ZNF385D: variants seen among roughly 807,000 people sequenced by gnomAD.
The protein encoded by ZNF385D is zinc finger protein 385D.
ZNF385D carries 15 observed loss-of-function variants against 35.8 expected under a neutral mutation model. The ratio of observed to expected loss-of-function variants is 0.42; its 90% CI spans 0.28 to 0.64. The LOEUF (loss-of-function observed/expected upper bound fraction) is 0.64. Among genes scored for constraint, ZNF385D ranks in the 30% least tolerant of loss-of-function variants. The pLI is 0.23. For synonymous variants in ZNF385D, 212 were observed against 186.8 expected, an observed-to-expected ratio of 1.13 and a Z score of -1.10; for missense variants, 474 against 494.6, an observed-to-expected ratio of 0.96 and a Z score of 0.39.
intron 1 of ZNF385D, among the ~76,000 whole-genome samples, chr3:21,671,147 T>C (rs1191483674): frequency 6.6e-6 from 1 of 152,084 alleles, no homozygotes; most frequent in Non-Finnish European, 1.5e-5. Context: ...ATTACACATG[T>C]ATTTGGCCAC....
intron 2 of ZNF385D, among the ~76,000 whole-genome samples, chr3:21,635,046 T>C (rs2065388434): frequency 6.6e-6 from 1 of 152,126 alleles, no homozygotes. Flanking sequence ...AGTGGGTCTT[T>C]AGGCAAATAG....
chr3:21,675,917 C>G (rs1331782182), intron 1 of ZNF385D, among the ~76,000 whole-genome samples: 1 of 152,022 alleles, frequency 6.6e-6, no homozygotes, highest in Non-Finnish European at 1.5e-5. Context: ...AGTTTGCATT[C>G]AACGTAACTA....
At chr3:22,030,010 T>G (rs901734751) in intron 3 of ZNF385D, among the ~76,000 whole-genome samples, 20 of 151,690 alleles carry the variant, frequency 1.3e-4, no homozygotes, top group African/African-American at 4.8e-4. Flanking sequence ...CCACCCTTAA[T>G]CTGGTGGGCA....
At chr3:21,700,168 G>A (rs1480567591) in intron 1 of ZNF385D, among the ~76,000 whole-genome samples, 3 of 152,052 alleles carry the variant, frequency 2.0e-5, no homozygotes, top group African/African-American at 4.8e-5. Context: ...GTAGCGCAGG[G>A]CTAGAGAATG....
chr3:22,142,876 T>C (rs1048472886), intron 3 of ZNF385D, among the ~76,000 whole-genome samples: 2 of 152,102 alleles, frequency 1.3e-5, no homozygotes, highest in African/African-American at 4.8e-5. Flanking sequence ...TCTCTCCTCT[T>C]ACCCCATAAA....
At chr3:22,135,050 CTT>C (rs1704024942) in intron 3 of ZNF385D, among the ~76,000 whole-genome samples, 1 of 152,132 alleles carries the variant, frequency 6.6e-6, no homozygotes, top group African/African-American at 2.4e-5. Context: ...TAGTAGAACT[CTT>C]AACCAGAAAG....
intron 4 of ZNF385D, among the ~76,000 whole-genome samples, chr3:21,442,064 A>G (rs768502562): frequency 7.9e-5 from 12 of 152,210 alleles, no homozygotes; most frequent in Non-Finnish European, 1.6e-4. Context: ...TCAGTATTCA[A>G]AGTGGCCCAT....
chr3:22,368,183 A>G (rs1286427746), intron 2 of ZNF385D, among the ~76,000 whole-genome samples: 1 of 152,196 alleles, frequency 6.6e-6, no homozygotes, highest in Non-Finnish European at 1.5e-5. Flanking sequence ...AGGTAAATAA[A>G]TAAAGTAACT....
At chr3:21,762,110 C>T (rs2070643857) in intron 3 of ZNF385D, among the ~76,000 whole-genome samples, 1 of 151,956 alleles carries the variant, frequency 6.6e-6, no homozygotes, top group Non-Finnish European at 1.5e-5. Context: ...ATCTCCTGAC[C>T]TCGTGATCTG....
At chr3:21,504,821 C>T (rs531266943) in intron 4 of ZNF385D, among the ~76,000 whole-genome samples, 1 of 152,150 alleles carries the variant, frequency 6.6e-6, no homozygotes, top group Admixed American at 6.5e-5. Context: ...TCCTGGGGTC[C>T]AGCACAGAGG....
chr3:21,532,410 G>C (rs567001635), intron 3 of ZNF385D, among the ~76,000 whole-genome samples: 1 of 152,238 alleles, frequency 6.6e-6, no homozygotes, highest in South Asian at 2.1e-4. Flanking sequence ...AGAATACAGA[G>C]TGATGAATTA....
At chr3:22,268,943 T>A (rs1319172713) in intron 2 of ZNF385D, among the ~76,000 whole-genome samples, 1 of 151,910 alleles carries the variant, frequency 6.6e-6, no homozygotes, top group African/African-American at 2.4e-5. Flanking sequence ...GTAATTCACT[T>A]AAATTCATGC....
At chr3:21,505,138 CAAAAT>C (rs775717853) in intron 4 of ZNF385D, among the ~76,000 whole-genome samples, 5 of 151,972 alleles carry the variant, frequency 3.3e-5, no homozygotes, top group Non-Finnish European at 7.4e-5. Flanking sequence ...GTGCAGAACT[CAAAAT>C]AAACGATGAT....
chr3:22,172,640 A>C (rs1389209284), intron 2 of ZNF385D, among the ~76,000 whole-genome samples: 1 of 152,216 alleles, frequency 6.6e-6, no homozygotes, highest in Non-Finnish European at 1.5e-5. Context: ...CTAATTAAGA[A>C]TCAAAAGTTG....
At position 21,993,864 on chromosome 3, in the gene ZNF385D, G is replaced by A. The variant is rs73820897; in HGVS notation, c.325+174953C>T. On this transcript the variant is annotated intron_variant, in intron 3 of 5. Coordinates refer to the ZNF385D transcript ENST00000494108. The stretch of plus-strand genomic sequence containing the variant: ...CATGGTTATACCACAGCTGAAAAAT[G>A]AGTAACATCTCCTTTTTGTATAATT... 4.7e-4 allele frequency among the ~76,000 whole-genome samples: 71 copies of A among 152,216 alleles called. 1 individual carries two copies. Among genetic ancestry groups the A allele is most frequent in the African/African-American group, 1.7e-3 (69 of 41,524 alleles).
intron 3 of ZNF385D, among the ~76,000 whole-genome samples, chr3:22,089,606 T>C (rs1404398308): frequency 6.6e-6 from 1 of 152,160 alleles, no homozygotes; most frequent in Admixed American, 6.5e-5. Context: ...GCCTTTTTGC[T>C]ATTCAGTGAG....
At chr3:22,006,251 G>C (rs1028041833) in intron 3 of ZNF385D, among the ~76,000 whole-genome samples, 2 of 152,046 alleles carry the variant, frequency 1.3e-5, no homozygotes, top group Non-Finnish European at 2.9e-5. Context: ...TGTATCTGTG[G>C]TAAGACAAAC....
chr3:21,669,103 T>C (rs779494358), intron 1 of ZNF385D, among the ~76,000 whole-genome samples: 3 of 152,206 alleles, frequency 2.0e-5, no homozygotes, highest in Non-Finnish European at 4.4e-5. Context: ...ATAAACTCTA[T>C]GTCTAGTACC....
chr3:21,656,110 A>C (rs772461343), intron 2 of ZNF385D, among the ~76,000 whole-genome samples: 14 of 151,960 alleles, frequency 9.2e-5, no homozygotes, highest in Admixed American at 2.0e-4. Flanking sequence ...GATGACCCAC[A>C]ATATAGAGTC....
Sources: gnomAD v4.1 joint callset for allele counts (sites outside exome capture counted in the v4.1 genomes callset) on GRCh38, gnomAD v4.1.1 for gene constraint, MANE v1.5 for transcripts, NCBI Gene and HGNC (gene_info 2026-07-23, HGNC 2026-07-21) for gene names.